Variants in GNAZ observed in about 807,000 individuals in gnomAD.
GNAZ encodes the protein G protein subunit alpha z.
GNAZ carries 3 observed loss-of-function variants against 25.4 expected under a neutral mutation model. The observed-to-expected ratio is 0.12, with a 90% CI of 0.05 to 0.30. The LOEUF (loss-of-function observed/expected upper bound fraction) is 0.30, where lower values mean the gene tolerates loss of function less well. Ranked by LOEUF, GNAZ falls within the 10% of genes least tolerant of loss-of-function variation. The pLI is 1.00. For missense variants in GNAZ, 241 were observed against 501.8 expected, an observed-to-expected ratio of 0.48 and a Z score of 4.97; for synonymous variants, 211 against 205.7, an observed-to-expected ratio of 1.03 and a Z score of -0.22.
chr22:23,094,708 C>T (rs73878641), intron 1 of GNAZ, among the ~76,000 whole-genome samples: 1,784 of 152,360 alleles, frequency 0.012, 40 homozygotes, highest in African/African-American at 0.04. Context: ...GCTGGCCCAT[C>T]AGAGTGCCCT....
At chr22:23,072,457 G>A (rs1252974133) in intron 1 of GNAZ, among the ~76,000 whole-genome samples, 2 of 152,192 alleles carry the variant, frequency 1.3e-5, no homozygotes, top group Admixed American at 6.5e-5. Flanking sequence ...AGGTGAATAA[G>A]ACATAATTTC....
intron 2 of GNAZ, among the ~76,000 whole-genome samples, chr22:23,102,118 C>T (rs555173469): frequency 2.0e-5 from 3 of 152,232 alleles, no homozygotes; most frequent in African/African-American, 7.2e-5. Flanking sequence ...ACCGGCTCCC[C>T]GCATCCAAGT....
rs138072474 is a variant in GNAZ, at chr22:23,121,066, A to G, written c.724-2021A>G. On this transcript the variant is annotated intron_variant, in intron 2 of 2. Coordinates refer to ENST00000615612, the MANE Select transcript of GNAZ (RefSeq NM_002073.4). ...CAGAATGTGACATTCCTAGACCACC[A>G]CTTATCTCACATTTGGGAATGTGCA... 3.3e-3 allele frequency among the ~76,000 whole-genome samples: 501 copies of G among 152,216 alleles called. 3 individuals are homozygous for G. Among genetic ancestry groups the G allele is most frequent in the African/African-American group, 0.012 (478 of 41,524 alleles).
intron 1 of GNAZ, among the ~76,000 whole-genome samples, chr22:23,081,908 G>A (rs1243227244): frequency 2.0e-5 from 3 of 149,978 alleles, no homozygotes; most frequent in East Asian, 2.0e-4. Context: ...GGCGGATCAC[G>A]AGGTCAGGAG....
At chr22:23,101,590 T>C (rs1261507452) in intron 2 of GNAZ, among the ~76,000 whole-genome samples, 1 of 152,194 alleles carries the variant, frequency 6.6e-6, no homozygotes, top group East Asian at 1.9e-4. Context: ...GTCAAGGGCA[T>C]AGCTCCAAGC....
chr22:23,110,441 C>T (rs1324459159), intron 2 of GNAZ, among the ~76,000 whole-genome samples: 1 of 152,206 alleles, frequency 6.6e-6, no homozygotes, highest in African/African-American at 2.4e-5. Context: ...GGTGCTCCAG[C>T]CAGGAACAGG....
intron 2 of GNAZ, among the ~76,000 whole-genome samples, chr22:23,100,432 A>G (rs552315645): frequency 6.6e-6 from 1 of 152,180 alleles, no homozygotes; most frequent in Non-Finnish European, 1.5e-5. Context: ...GCTGGTCAAC[A>G]TGTTATCAGT....
chr22:23,079,630 C>G (rs1244672515), intron 1 of GNAZ, among the ~76,000 whole-genome samples: 1 of 152,190 alleles, frequency 6.6e-6, no homozygotes, highest in Non-Finnish European at 1.5e-5. Flanking sequence ...TACAAGGATG[C>G]CCCTGGCTGC....
chr22:23,086,861 C>T (rs2146289424), intron 1 of GNAZ, among the ~76,000 whole-genome samples: 1 of 152,326 alleles, frequency 6.6e-6, no homozygotes, highest in African/African-American at 2.4e-5. Context: ...CACCTGGCTC[C>T]TCAGCAACAG....
In GNAZ at chr22:23,123,690, G is replaced by T. The variant is rs2070095729; in HGVS notation, c.*259G>T. 8.0e-6 allele frequency: 4 copies of T among 501,082 alleles called. No individual in the cohort carries two copies. The Admixed American group carries it at 1.0e-4, about 13-fold the overall frequency. 31.0% of individuals were successfully genotyped at this position (501,082 alleles called of 1,614,324 possible). On this transcript the variant is annotated 3_prime_UTR_variant, in exon 3 of 3. Coordinates refer to ENST00000615612, the MANE Select transcript of GNAZ (RefSeq NM_002073.4). ...ATCCTCTAAAATGTCGAGGTCTCTTGAAGACTTGAGAAGCTGTCACAAGGT... is the reference window on the plus strand; with the variant it reads ...ATCCTCTAAAATGTCGAGGTCTCTTTAAGACTTGAGAAGCTGTCACAAGGT...
chr22:23,080,696 A>G lies in GNAZ; in HGVS notation c.-450+10126A>G, dbSNP rs559637693. ...GCAAAGAGCCCACAAACACGGAGTC[A>G]CATGTCCTCAAGCCATGAATCAGTG... On this transcript the variant is annotated intron_variant, in intron 1 of 2. Transcript: ENST00000615612. Among the ~76,000 whole-genome samples, 7 of 152,364 alleles carry G rather than the reference A, an allele frequency of 4.6e-5. No homozygotes were observed. In the East Asian group the frequency reaches 1.3e-3, roughly 29 times the overall value.
rs889615886 is a variant in GNAZ, at chr22:23,096,310, G to A, written c.615G>A (p.Gln205=). Residue 205 remains glutamine (Q), a synonymous_variant, in exon 2 of 3, where the codon CAG becomes CAA. Transcript: ENST00000615612. ...LTFKMVDVGG[Q]RSERKKWIHC... is the part of the protein sequence containing the mutation. Reference sequence around the variant, plus strand: ...TCAAGATGGTGGACGTGGGGGGGCAGAGGTCAGAGCGCAAAAAGTGGATCC... The same window carrying A: ...TCAAGATGGTGGACGTGGGGGGGCAAAGGTCAGAGCGCAAAAAGTGGATCC... The A allele has an allele frequency of 6.8e-6, 11 of 1,613,930 alleles. No homozygotes were observed. Among genetic ancestry groups the A allele is most frequent in the Admixed American group, 6.7e-5 (4 of 60,008 alleles).
chr22:23,118,259 G>A (rs1249813896), intron 2 of GNAZ, among the ~76,000 whole-genome samples: 3 of 152,188 alleles, frequency 2.0e-5, no homozygotes, highest in African/African-American at 7.2e-5. Flanking sequence ...ATTCCCCGAC[G>A]CCAAGCAGTG....
chr22:23,115,272 G>GT (rs1224723985), intron 2 of GNAZ, among the ~76,000 whole-genome samples: 1 of 152,314 alleles, frequency 6.6e-6, no homozygotes. Flanking sequence ...GCTGAGGTAT[G>GT]TGACAAGGCT....
chr22:23,076,542 T>G (rs1310826166), intron 1 of GNAZ, among the ~76,000 whole-genome samples: 3 of 152,126 alleles, frequency 2.0e-5, no homozygotes, highest in Admixed American at 6.5e-5. Flanking sequence ...CAAACCACCC[T>G]CAGGTGGATG....
intron 2 of GNAZ, 52 bp from the exon 3 acceptor site, chr22:23,123,035 C>T: frequency 8.2e-7 from 1 of 1,222,706 alleles, no homozygotes; most frequent in South Asian, 1.3e-5. Flanking sequence ...GGTCTAGGGT[C>T]TGTCTCTGCC....
chr22:23,119,189 G>A (rs2069937048), intron 2 of GNAZ, among the ~76,000 whole-genome samples: 1 of 152,258 alleles, frequency 6.6e-6, no homozygotes. Context: ...GGCTGCAAGA[G>A]TGCAGGCACC....
chr22:23,084,648 TCCTGAGCA>T (rs1185014707), intron 1 of GNAZ, among the ~76,000 whole-genome samples: 4 of 152,190 alleles, frequency 2.6e-5, no homozygotes, highest in Admixed American at 2.0e-4. Context: ...CCCCACCTGG[TCCTGAGCA>T]CCTGCGCTTC....
Position 23,096,328 on chromosome 22 carries a change from G to A in GNAZ, c.633G>A (p.Lys211=). The A allele has an allele frequency of 6.2e-7, 1 of 1,613,932 alleles. No homozygotes were observed. The highest frequency in any genetic ancestry group is 8.5e-7 in the Non-Finnish European group (1 of 1,180,018). ...DVGGQRSERK[K]WIHCFEGVTA... is the part of the protein sequence containing the mutation. ...GGGGGCAGAGGTCAGAGCGCAAAAA[G>A]TGGATCCACTGCTTCGAGGGCGTCA... Residue 211 remains lysine (K), a synonymous_variant, in exon 2 of 3, where the codon AAG becomes AAA. Coordinates refer to ENST00000615612, the MANE Select transcript of GNAZ (RefSeq NM_002073.4).
Sources: allele counts gnomAD v4.1 joint callset (sites outside exome capture counted in the v4.1 genomes callset), GRCh38; gene constraint gnomAD v4.1.1; transcripts MANE v1.5; gene names NCBI Gene and HGNC (gene_info 2026-07-23, HGNC 2026-07-21).